SLC7A11: variants seen among roughly 807,000 people sequenced by gnomAD.
SLC7A11 encodes cystine/glutamate transporter.
SLC7A11 carries 35 observed loss-of-function variants against 54.5 expected under a neutral mutation model. The observed-to-expected ratio is 0.64, with a 90% CI of 0.49 to 0.85. The LOEUF (loss-of-function observed/expected upper bound fraction) is 0.85, where lower values mean the gene tolerates loss of function less well. SLC7A11 is among the 40% of genes least tolerant of loss of function. The pLI is 0.00. For missense variants in SLC7A11, 583 were observed against 618.1 expected (o/e 0.94, Z 0.60); for synonymous variants, 230 against 225.2 (o/e 1.02, Z -0.19).
intron 1 of SLC7A11, among the ~76,000 whole-genome samples, chr4:138,238,013 A>T (rs1738281803): frequency 6.6e-6 from 1 of 151,768 alleles, no homozygotes; most frequent in Admixed American, 6.6e-5. Flanking sequence ...TTGGCCTCCC[A>T]AAGTGTTGGG....
intron 11 of SLC7A11, chr4:138,177,735 T>A (rs558537911): frequency 6.6e-6 from 1 of 152,124 alleles, no homozygotes; most frequent in Non-Finnish European, 1.5e-5. Flanking sequence ...GACAGAGAGA[T>A]ATGCTTTCAA....
At chr4:138,237,130 C>T (rs904097998) in intron 1 of SLC7A11, among the ~76,000 whole-genome samples, 15 of 151,044 alleles carry the variant, frequency 9.9e-5, no homozygotes, top group South Asian at 6.3e-4. Context: ...GGACTACAGG[C>T]GCCCGCCACC....
Position 138,179,330 on chromosome 4 carries a change from T to A in SLC7A11, c.1331A>T (p.Tyr444Phe). ...AATCCCTGTACTAAATGGGTCCGAA[T>A]AGAGGGAAAGGGCAACCATGAAGAG... Reference protein sequence around the residue: ...TCLFMVALSLYSDPFSTGIGF... With the variant: ...TCLFMVALSLFSDPFSTGIGF... Residue 444 changes from tyrosine (Y) to phenylalanine (F), a missense_variant, in exon 11 of 12, where the codon TAT becomes TTT. Transcript: ENST00000280612. 1 of 1,612,574 alleles carries A rather than the reference T, an allele frequency of 6.2e-7. No homozygotes were observed. Among genetic ancestry groups the A allele is most frequent in the Non-Finnish European group, 8.5e-7 (1 of 1,179,182 alleles).
At chr4:138,176,131 A>G (rs1736565110) in intron 11 of SLC7A11, 1 of 152,134 alleles carries the variant, frequency 6.6e-6, no homozygotes, top group African/African-American at 2.4e-5. Flanking sequence ...GCCAAAGGCT[A>G]AGAAAATACT....
At chr4:138,205,882 G>A (rs1473193586) in intron 6 of SLC7A11, among the ~76,000 whole-genome samples, 3 of 151,966 alleles carry the variant, frequency 2.0e-5, no homozygotes, top group Non-Finnish European at 2.9e-5. Context: ...AATCTCTGGT[G>A]TACTTTATTT....
At chr4:138,238,127 T>A (rs1458118416) in intron 1 of SLC7A11, among the ~76,000 whole-genome samples, 2 of 152,120 alleles carry the variant, frequency 1.3e-5, no homozygotes, top group African/African-American at 4.8e-5. Context: ...ATAAGCTAAA[T>A]TTTTAACATT....
intron 6 of SLC7A11, among the ~76,000 whole-genome samples, chr4:138,189,186 TG>T (rs1736949791): frequency 1.3e-5 from 2 of 152,100 alleles, no homozygotes; most frequent in African/African-American, 2.4e-5. Context: ...TCCCCAGAAA[TG>T]AAAATGGCCC....
intron 3 of SLC7A11, among the ~76,000 whole-genome samples, chr4:138,227,212 T>C (rs1737966059): frequency 6.6e-6 from 1 of 152,224 alleles, no homozygotes; most frequent in South Asian, 2.1e-4. Context: ...TTCTGAATTC[T>C]GAGTACTTTG....
At chr4:138,214,428 G>A (rs1199770757) in intron 6 of SLC7A11, among the ~76,000 whole-genome samples, 157 bp downstream of exon 6, 2 of 150,934 alleles carry the variant, frequency 1.3e-5, no homozygotes, top group Admixed American at 6.6e-5. Flanking sequence ...TTATGATAAA[G>A]TCAAATAAAT....
intron 7 of SLC7A11, among the ~76,000 whole-genome samples, chr4:138,184,695 C>T (rs778884928): frequency 1.3e-5 from 2 of 152,102 alleles, no homozygotes; most frequent in Non-Finnish European, 2.9e-5. Flanking sequence ...ATATGGTCCA[C>T]ATCAAAATTC....
Position 138,223,231 on chromosome 4 carries a change from A to T in SLC7A11, c.614T>A (p.Ile205Asn), listed in dbSNP as rs749641327. 16 of 1,613,506 alleles carry T rather than the reference A, an allele frequency of 9.9e-6. No homozygotes were observed. Among genetic ancestry groups the T allele is most frequent in the Non-Finnish European group, 1.2e-5 (14 of 1,179,558 alleles). ...TFCKLTAILI[I>N]IVPGVMQLIK... ...TAGCTGCATAACTCCAGGGACTATA[A>T]TTATCAGAATTGCTGTGAGCTTGCA... is the stretch of plus-strand genomic sequence containing the variant. Residue 205 changes from isoleucine to asparagine, a missense_variant, in exon 4 of 12, where the codon ATT becomes AAT. Coordinates refer to ENST00000280612, the MANE Select transcript of SLC7A11 (RefSeq NM_014331.4).
chr4:138,196,772 G>A (rs1279996478), intron 6 of SLC7A11, among the ~76,000 whole-genome samples: 1 of 152,078 alleles, frequency 6.6e-6, no homozygotes, highest in Non-Finnish European at 1.5e-5. Context: ...CAATTCTTCT[G>A]CTTCAGCCTC....
chr4:138,215,630 A>G (rs1737661978), intron 5 of SLC7A11, among the ~76,000 whole-genome samples: 2 of 152,160 alleles, frequency 1.3e-5, no homozygotes, highest in Admixed American at 1.3e-4. Flanking sequence ...GTTTCTATAA[A>G]TAGAGATTGT....
chr4:138,216,584 G>T (rs1176781967), intron 5 of SLC7A11, among the ~76,000 whole-genome samples: 1 of 152,142 alleles, frequency 6.6e-6, no homozygotes, highest in African/African-American at 2.4e-5. Flanking sequence ...TTTCTGTGAA[G>T]TAGCTTTATC....
At position 138,232,310 on chromosome 4, in the gene SLC7A11, T is replaced by C; in HGVS notation, c.477A>G (p.Glu159=). 6.2e-7 allele frequency: 1 copy of C among 1,613,706 alleles called. No homozygotes were observed. The highest frequency in any genetic ancestry group is 8.5e-7 in the Non-Finnish European group (1 of 1,179,650). ...YILEPFFIQC[E]IPELAIKLIT... ...TGAGCTTGATCGCAAGTTCAGGGAT[T>C]TCACATTGAATAAAAAATGGTTCCA... The change falls in exon 3 of 12, where the codon GAA becomes GAG. Residue 159 remains glutamate (E), a synonymous_variant. Transcript: ENST00000280612.
Position 138,179,303 on chromosome 4 carries a change from C to G in SLC7A11, c.1358G>C (p.Gly453Ala). Residue 453 changes from glycine to alanine, a missense_variant, in exon 11 of 12, where the codon GGC becomes GCC. Transcript: ENST00000280612. The part of the protein sequence containing the change: ...LYSDPFSTGI[G>A]FVITLTGVPA... Reference sequence around the variant, plus strand: ...GACTCCAGTCAGAGTGATGACGAAGCCAATCCCTGTACTAAATGGGTCCGA... The same window carrying G: ...GACTCCAGTCAGAGTGATGACGAAGGCAATCCCTGTACTAAATGGGTCCGA... The G allele has an allele frequency of 6.2e-7, 1 of 1,612,442 alleles. No homozygotes were observed. The highest frequency in any genetic ancestry group is 8.5e-7 in the Non-Finnish European group (1 of 1,178,984).
At chr4:138,200,044 C>T (rs1737240602) in intron 6 of SLC7A11, among the ~76,000 whole-genome samples, 1 of 152,126 alleles carries the variant, frequency 6.6e-6, no homozygotes, top group East Asian at 1.9e-4. Context: ...CCTCCACTTG[C>T]TGTCTATCTC....
chr4:138,241,658 C>T (rs553964279), intron 1 of SLC7A11, 135 bp downstream of exon 1: 1 of 670,730 alleles, frequency 1.5e-6, no homozygotes, highest in Middle Eastern at 4.2e-4. Flanking sequence ...AGTTCACGTA[C>T]CCGAACAAAA....
At chr4:138,224,547 C>T (rs1265064316) in intron 3 of SLC7A11, among the ~76,000 whole-genome samples, 2 of 151,992 alleles carry the variant, frequency 1.3e-5, no homozygotes, top group Admixed American at 1.3e-4. Context: ...TAGTTACTAG[C>T]TCACTTCAGA....
Sources: allele counts gnomAD v4.1 joint callset (sites outside exome capture counted in the v4.1 genomes callset), GRCh38; gene constraint gnomAD v4.1.1; transcripts MANE v1.5; gene names NCBI Gene and HGNC (gene_info 2026-07-23, HGNC 2026-07-21).